Variants in LY9 observed in about 807,000 individuals in gnomAD.
LY9 encodes the protein T-lymphocyte surface antigen Ly-9.
LY9 carries 59 observed loss-of-function variants against 64.6 expected under a neutral mutation model. The ratio of observed to expected loss-of-function variants is 0.91; its 90% CI spans 0.74 to 1.13. LY9 has a LOEUF of 1.13. LY9 is among the 50% of genes most tolerant of loss of function. LY9 has a pLI of 0.00. For synonymous variants in LY9, 281 were observed against 308.5 expected, an observed-to-expected ratio of 0.91 and a Z score of 0.93; for missense variants, 789 against 797.2, an observed-to-expected ratio of 0.99 and a Z score of 0.12.
At chr1:160,822,517 T>C (rs1668549752) in intron 7 of LY9, among the ~76,000 whole-genome samples, 1 of 152,212 alleles carries the variant, frequency 6.6e-6, no homozygotes, top group South Asian at 2.1e-4. Flanking sequence ...TAGTCCCTGC[T>C]GGTGTTCACC....
rs1423879433 is a variant in LY9 at position 160,814,863 on chromosome 1, A to G, written c.1072+102A>G. 4.3e-6 allele frequency: 4 copies of G among 929,596 alleles called. No homozygotes were observed. The African/African-American group carries it at 4.9e-5, about 11-fold the overall frequency. The allele number at this position is 929,596 out of a possible 1,614,324, so 57.6% of individuals were successfully genotyped here. ...CGCTTCTCCAAGGGTCTTCCCTCAT[A>G]CTGAAATGCCTCAGACCACTAGGAC... On this transcript the variant is annotated intron_variant, in intron 4 of 9. Coordinates refer to ENST00000263285, the MANE Select transcript of LY9 (RefSeq NM_002348.4).
chr1:160,814,089 G>A (rs1056579824), intron 3 of LY9, among the ~76,000 whole-genome samples, 178 bp downstream of exon 3: 1 of 152,222 alleles, frequency 6.6e-6, no homozygotes, highest in East Asian at 1.9e-4. Context: ...ACTTGGGAAA[G>A]CCCAGAACAC....
At chr1:160,820,414 AAAAT>A (rs1284862057) in intron 7 of LY9, among the ~76,000 whole-genome samples, 2 of 152,280 alleles carry the variant, frequency 1.3e-5, no homozygotes, top group Middle Eastern at 3.4e-3. Context: ...CCTGCTTTAA[AAAAT>A]AAATAAATAA....
chr1:160,814,062 T>C (rs1667739522), intron 3 of LY9, 151 bp downstream of exon 3: 3 of 832,130 alleles, frequency 3.6e-6, no homozygotes, highest in Non-Finnish European at 5.6e-6. Context: ...CTCAGGGACA[T>C]GACAGAGGCT....
chr1:160,806,244 G>A (rs1312563001), intron 2 of LY9, among the ~76,000 whole-genome samples: 1 of 151,950 alleles, frequency 6.6e-6, no homozygotes, highest in African/African-American at 2.4e-5. Flanking sequence ...TATATTCTTT[G>A]TTTCTTTCTC....
rs761177487 is a variant in LY9, at chr1:160,814,480, C to T, written c.791C>T (p.Pro264Leu). The change falls in exon 4 of 10, where the codon CCA becomes CTA. Residue 264 changes from proline (P) to leucine (L), a missense_variant. Coordinates refer to ENST00000263285, the MANE Select transcript of LY9 (RefSeq NM_002348.4). Reference protein sequence around the residue: ...GETVVGVLGEPVTLPLALPAC... With the variant: ...GETVVGVLGELVTLPLALPAC... ...ACTGTGGTAGGGGTCCTGGGAGAGC[C>T]AGTCACCCTGCCACTTGCACTCCCA... The T allele has an allele frequency of 2.5e-6, 4 of 1,613,970 alleles. No homozygotes were observed. Among genetic ancestry groups the T allele is most frequent in the East Asian group, 2.2e-5 (1 of 44,902 alleles).
chr1:160,821,869 C>G (rs1384849496), intron 7 of LY9, among the ~76,000 whole-genome samples: 1 of 152,206 alleles, frequency 6.6e-6, no homozygotes, highest in Non-Finnish European at 1.5e-5. Context: ...AGGGACAAGA[C>G]TAGCTGTAGT....
chr1:160,803,304 A>T (rs563502084), intron 2 of LY9, among the ~76,000 whole-genome samples: 26 of 152,194 alleles, frequency 1.7e-4, no homozygotes, highest in Middle Eastern at 3.4e-3. Context: ...TTTTTTTTAA[A>T]AAGTATTGTT....
intron 1 of LY9, among the ~76,000 whole-genome samples, chr1:160,798,619 C>T (rs1666129557): frequency 6.6e-6 from 1 of 152,102 alleles, no homozygotes; most frequent in Admixed American, 6.5e-5. Context: ...TCCATAGCTG[C>T]CTCTCCACAA....
chr1:160,819,524 T>C, intron 7 of LY9, 150 bp downstream of exon 7: 1 of 656,272 alleles, frequency 1.5e-6, no homozygotes, highest in Non-Finnish European at 2.7e-6. Context: ...GTGCCGTGGC[T>C]CACACCTGTA....
intron 1 of LY9, among the ~76,000 whole-genome samples, chr1:160,797,862 TACACACACACACAC>T (rs57306367): frequency 1.3e-5 from 2 of 150,618 alleles, no homozygotes; most frequent in Admixed American, 6.6e-5. Context: ...AGATGATCTA[TACACACACACACAC>T]ACACACACAC....
rs1449930783 is a variant in LY9, at chr1:160,796,237, C to G, written c.50C>G (p.Ser17Cys). Residue 17 changes from serine to cysteine, a missense_variant, in exon 1 of 10, where the codon TCC becomes TGC. By Grantham distance (112) the Ser-to-Cys change is moderately radical. Transcript: ENST00000263285. ...GATGACTGGGCTCCTGGGCCTTTCT[C>G]CAGTAAGCCACAGAGGAGTCAGCTG... ...HTDDWAPGPF[S>C]SKPQRSQLQI... 1 of 1,613,962 alleles carries G rather than the reference C, an allele frequency of 6.2e-7. No individual in the cohort carries two copies. The highest frequency in any genetic ancestry group is 8.5e-7 in the Non-Finnish European group (1 of 1,179,978).
At chr1:160,827,184 C>G (rs1010283041) in intron 9 of LY9, among the ~76,000 whole-genome samples, 1 of 152,144 alleles carries the variant, frequency 6.6e-6, no homozygotes, top group African/African-American at 2.4e-5. Flanking sequence ...TTCTGATATA[C>G]CTCTCTGTAC....
In LY9 at chr1:160,814,404, T is replaced by C. The variant is rs1337549700; in HGVS notation, c.731-16T>C. 1 of 1,580,032 alleles carries C rather than the reference T, an allele frequency of 6.3e-7. No homozygotes were observed. Among genetic ancestry groups the C allele is most frequent in the South Asian group, 1.2e-5 (1 of 86,856 alleles). ...GGACAGTGACTGAAGCTGCAATGTCTCATCTGTGACCCCAGATCCAGGAGC... is the reference window on the plus strand; with the variant it reads ...GGACAGTGACTGAAGCTGCAATGTCCCATCTGTGACCCCAGATCCAGGAGC... On this transcript the variant is annotated splice_polypyrimidine_tract_variant and intron_variant, in intron 3 of 9. Coordinates refer to ENST00000263285, the MANE Select transcript of LY9 (RefSeq NM_002348.4).
At chr1:160,801,545 AG>A (rs1218271064) in intron 2 of LY9, among the ~76,000 whole-genome samples, 1 of 152,064 alleles carries the variant, frequency 6.6e-6, no homozygotes, top group African/African-American at 2.4e-5. Context: ...GCTGTGCAAA[AG>A]CTTGTTAGTT....
rs140061213 is a variant in LY9, at chr1:160,823,484, G to T, written c.1518G>T (p.Thr506=). 6.2e-7 allele frequency: 1 copy of T among 1,613,018 alleles called. No homozygotes were observed. The highest frequency in any genetic ancestry group is 8.5e-7 in the Non-Finnish European group (1 of 1,179,204). ...ADTPEPTAGH[T]LYSVLSQGYE... is the part of the protein sequence containing the mutation. The stretch of plus-strand genomic sequence containing the variant: ...TTCCAGAACCCACAGCTGGCCACAC[G>T]CTATACTCTGTGCTCTCCCAAGGAT... Residue 506 remains threonine, a synonymous_variant, in exon 8 of 10, where the codon ACG becomes ACT. Coordinates refer to ENST00000263285, the MANE Select transcript of LY9 (RefSeq NM_002348.4).
At chr1:160,804,716 C>T (rs982161833) in intron 2 of LY9, among the ~76,000 whole-genome samples, 11 of 152,112 alleles carry the variant, frequency 7.2e-5, no homozygotes, top group Non-Finnish European at 1.3e-4. Context: ...CCATCAGTCT[C>T]GGGCTTTTCT....
chr1:160,817,953 C>G (rs1171497723), intron 5 of LY9, among the ~76,000 whole-genome samples: 1 of 152,138 alleles, frequency 6.6e-6, no homozygotes, highest in Non-Finnish European at 1.5e-5. Flanking sequence ...GCACTCGAAC[C>G]TCAGGTCAGA....
At chr1:160,799,442 A>C (rs1367467125) in intron 1 of LY9, 1 of 278,808 alleles carries the variant, frequency 3.6e-6, no homozygotes, top group African/African-American at 2.2e-5. Flanking sequence ...GAGCATTTCA[A>C]TCTTTTAGAT....
Sources: allele counts gnomAD v4.1 joint callset (sites outside exome capture counted in the v4.1 genomes callset), GRCh38; gene constraint gnomAD v4.1.1; transcripts MANE v1.5; gene names NCBI Gene and HGNC (gene_info 2026-07-23, HGNC 2026-07-21).